NTN1: variants seen among roughly 807,000 people sequenced by gnomAD.
The protein encoded by NTN1 is netrin 1.
NTN1 carries 11 observed loss-of-function variants against 54.2 expected under a neutral mutation model. The observed-to-expected ratio is 0.20, with a 90% CI of 0.13 to 0.34. NTN1 has a LOEUF of 0.34. Ranked by LOEUF, NTN1 falls within the 10% of genes least tolerant of loss-of-function variation. NTN1 has a pLI of 1.00. For missense variants in NTN1, 740 were observed against 893.1 expected (o/e 0.83, Z 2.18); for synonymous variants, 371 against 382.0 (o/e 0.97, Z 0.33).
At chr17:9,017,383 T>C (rs1356368857), upstream of NTN1, among the ~76,000 whole-genome samples, 5 of 152,168 alleles carry the variant, frequency 3.3e-5, no homozygotes, top group East Asian at 9.6e-4. Flanking sequence ...ATGACTTCCT[T>C]GTAGTTTGAT....
chr17:9,195,051 A>C (rs1437611719), intron 5 of NTN1, among the ~76,000 whole-genome samples: 38 of 147,334 alleles, frequency 2.6e-4, no homozygotes, highest in African/African-American at 8.6e-4. Context: ...TACACCCCCT[A>C]CCCCCACCTT....
chr17:9,063,878 AAGG>A (rs903791730), intron 2 of NTN1, among the ~76,000 whole-genome samples: 2 of 152,084 alleles, frequency 1.3e-5, no homozygotes, highest in African/African-American at 4.8e-5. Context: ...TGCCTTGAGG[AAGG>A]AGCTGTTGTC....
At chr17:9,027,010 G>A (rs1597462272) in intron 2 of NTN1, among the ~76,000 whole-genome samples, 1 of 152,218 alleles carries the variant, frequency 6.6e-6, no homozygotes, top group South Asian at 2.1e-4. Context: ...GTTTAAATGT[G>A]GCTGTGGGTT....
chr17:9,043,673 T>A (rs1447156891), intron 2 of NTN1, among the ~76,000 whole-genome samples: 1 of 151,456 alleles, frequency 6.6e-6, no homozygotes, highest in Non-Finnish European at 1.5e-5. Flanking sequence ...ACCTCCCGGG[T>A]TCAAGCAATT....
chr17:9,115,547 T>A (rs2092208511), intron 2 of NTN1, among the ~76,000 whole-genome samples: 1 of 152,210 alleles, frequency 6.6e-6, no homozygotes, highest in South Asian at 2.1e-4. Context: ...ATTTGATAAA[T>A]GCTCTAAACC....
rs1905099712 is a variant in NTN1, at chr17:9,211,173, G to A, written c.1412-9995G>A. Reference sequence around the variant, plus strand: ...CAAACTGTAAGCCTCATCTCTGGCTGTGCAAACCCCAGCTTTTGCCAGCTC... The same window carrying A: ...CAAACTGTAAGCCTCATCTCTGGCTATGCAAACCCCAGCTTTTGCCAGCTC... On this transcript the variant is annotated intron_variant, in intron 5 of 6. Transcript: ENST00000173229. This position sits in a 1 kb window ranked among gnomAD's most constrained non-coding sequence, Gnocchi z 4.4. Among the ~76,000 whole-genome samples, 1 of 152,146 alleles carries A rather than the reference G, an allele frequency of 6.6e-6. No homozygotes were observed. Among genetic ancestry groups the A allele is most frequent in the Non-Finnish European group, 1.5e-5 (1 of 68,028 alleles).
chr17:9,049,753 T>G (rs1336162246), intron 2 of NTN1, among the ~76,000 whole-genome samples: 1 of 152,128 alleles, frequency 6.6e-6, no homozygotes, highest in African/African-American at 2.4e-5. Context: ...CAAAGACATG[T>G]GCGGGACAGT....
intron 2 of NTN1, among the ~76,000 whole-genome samples, chr17:9,118,557 T>C (rs1659202976): frequency 6.6e-6 from 1 of 152,142 alleles, no homozygotes; most frequent in South Asian, 2.1e-4. Context: ...GTTTTCAGTA[T>C]ATTCAGAGTT....
In NTN1 at chr17:9,023,012, C is replaced by A. The variant is rs2151506637; in HGVS notation, c.639C>A (p.Leu213=). The change falls in exon 2 of 7, where the codon CTC becomes CTA. Residue 213 remains leucine, a synonymous_variant. Coordinates refer to ENST00000173229, the MANE Select transcript of NTN1 (RefSeq NM_004822.3). The part of the protein sequence containing the change: ...CTDSHTDMRP[L]SGGLIAFSTL... ...ACTCGCACACCGACATGCGCCCGCTCTCGGGCGGCCTCATCGCCTTCAGCA... is the reference window on the plus strand; with the variant it reads ...ACTCGCACACCGACATGCGCCCGCTATCGGGCGGCCTCATCGCCTTCAGCA... 1 of 1,603,960 alleles carries A rather than the reference C, an allele frequency of 6.2e-7. No individual in the cohort carries two copies. Among genetic ancestry groups the A allele is most frequent in the East Asian group, 2.3e-5 (1 of 44,224 alleles).
chr17:9,122,929 G>A (rs776721890), intron 2 of NTN1, among the ~76,000 whole-genome samples: 12 of 152,136 alleles, frequency 7.9e-5, no homozygotes, highest in South Asian at 2.1e-4. Context: ...CCATGACTCC[G>A]TTAATCAGGC....
chr17:9,187,162 G>T (rs1455136480), intron 5 of NTN1, among the ~76,000 whole-genome samples: 3 of 152,170 alleles, frequency 2.0e-5, no homozygotes, highest in Admixed American at 2.0e-4. Flanking sequence ...ATGGTATAAT[G>T]AGAGGTTGAG....
At chr17:9,191,163 A>T in intron 5 of NTN1, among the ~76,000 whole-genome samples, 1 of 152,206 alleles carries the variant, frequency 6.6e-6, no homozygotes, top group East Asian at 1.9e-4. Context: ...AAAGATTTTG[A>T]ATAAATAATA....
chr17:9,013,813 G>C, the NTN1 span, among the ~76,000 whole-genome samples: 1 of 151,988 alleles, frequency 6.6e-6, no homozygotes, highest in Non-Finnish European at 1.5e-5. Context: ...CCTTTTCTTT[G>C]CACCCTTTGT....
the NTN1 span, among the ~76,000 whole-genome samples, chr17:9,014,300 T>A: frequency 6.6e-6 from 1 of 152,176 alleles, no homozygotes; most frequent in Non-Finnish European, 1.5e-5. Flanking sequence ...AATGAAAGAC[T>A]GTCCCTCGTA....
intron 5 of NTN1, among the ~76,000 whole-genome samples, chr17:9,185,225 C>T (rs546703675): frequency 1.6e-4 from 25 of 152,222 alleles, no homozygotes; most frequent in Non-Finnish European, 3.2e-4. Flanking sequence ...ACCGTGGGGC[C>T]TCCTACCACA....
intron 2 of NTN1, among the ~76,000 whole-genome samples, chr17:9,056,397 C>G (rs1025707570): frequency 6.6e-6 from 1 of 152,206 alleles, no homozygotes; most frequent in African/African-American, 2.4e-5. Context: ...GAGCCGCCAT[C>G]TTGTGGGCAC....
chr17:9,108,184 G>C (rs1488981740), intron 2 of NTN1, among the ~76,000 whole-genome samples: 5 of 152,188 alleles, frequency 3.3e-5, no homozygotes, highest in Admixed American at 6.5e-5. Context: ...TGGGAAGGCT[G>C]AAGAAAAGAC....
chr17:9,015,722 G>A, the NTN1 span, among the ~76,000 whole-genome samples: 1 of 151,980 alleles, frequency 6.6e-6, no homozygotes, highest in Non-Finnish European at 1.5e-5. Flanking sequence ...GGGCGCTGTT[G>A]TCCTCCTCCA....
At chr17:9,067,872 C>G (rs757888790) in intron 2 of NTN1, among the ~76,000 whole-genome samples, 1 of 152,154 alleles carries the variant, frequency 6.6e-6, no homozygotes, top group Non-Finnish European at 1.5e-5. Flanking sequence ...GTGCTAGAAG[C>G]CTCTGGTGCA....
Sources: allele counts gnomAD v4.1 joint callset (sites outside exome capture counted in the v4.1 genomes callset), GRCh38; gene constraint gnomAD v4.1.1; non-coding constraint Gnocchi (gnomAD v3.1); transcripts MANE v1.5; gene names NCBI Gene and HGNC (gene_info 2026-07-23, HGNC 2026-07-21).